The following UBAP2L variants were observed in gnomAD, a reference collection of about 807,000 sequenced individuals.
The protein encoded by UBAP2L is ubiquitin associated protein 2 like, also known as ubiquitin-associated protein 2-like.
Under a neutral mutation model 130.6 loss-of-function variants are expected in UBAP2L, and 12 were observed. The observed-to-expected ratio is 0.09, with a 90% CI of 0.06 to 0.15. UBAP2L has a LOEUF of 0.15. Among genes scored for constraint, UBAP2L ranks in the 10% least tolerant of loss-of-function variants. UBAP2L has a pLI of 1.00. For missense variants in UBAP2L, 965 were observed against 1,332.5 expected, an observed-to-expected ratio of 0.72 and a Z score of 4.29; for synonymous variants, 503 against 524.7, an observed-to-expected ratio of 0.96 and a Z score of 0.57.
intron 8 of UBAP2L, among the ~76,000 whole-genome samples, chr1:154,240,926 G>T (rs1673322299): frequency 7.2e-6 from 1 of 138,886 alleles, no homozygotes; most frequent in African/African-American, 3.1e-5. Flanking sequence ...TTGGGTGGTT[G>T]TCTGTCTGTC....
intron 6 of UBAP2L, among the ~76,000 whole-genome samples, chr1:154,236,313 CT>C: frequency 6.6e-6 from 1 of 152,198 alleles, no homozygotes; most frequent in Non-Finnish European, 1.5e-5. Context: ...ATCCTCCTGC[CT>C]CAGCCCCTCA....
At chr1:154,257,041 T>C in intron 18 of UBAP2L, 22 bp from the exon 19 acceptor site, 1 of 1,606,882 alleles carries the variant, frequency 6.2e-7, no homozygotes, top group Non-Finnish European at 8.5e-7. Flanking sequence ...TCTTCTCTCT[T>C]CCACTGCTCC....
At chr1:154,258,835 A>G in intron 20 of UBAP2L, 142 bp from the exon 21 acceptor site, 1 of 648,286 alleles carries the variant, frequency 1.5e-6, no homozygotes, top group South Asian at 1.9e-5. Context: ...TTTTCCTTAA[A>G]TAAAATTGAA....
chr1:154,222,627 A>G (rs1453710072), intron 1 of UBAP2L, among the ~76,000 whole-genome samples: 1 of 152,220 alleles, frequency 6.6e-6, no homozygotes, highest in Admixed American at 6.5e-5. Context: ...CCATTTCAAC[A>G]AAGCATCTAC....
chr1:154,221,792 A>G (rs997241436), intron 1 of UBAP2L, among the ~76,000 whole-genome samples: 1 of 152,038 alleles, frequency 6.6e-6, no homozygotes, highest in Admixed American at 6.6e-5. Flanking sequence ...CTTCCTGTTT[A>G]TACTGTAGTT....
intron 9 of UBAP2L, among the ~76,000 whole-genome samples, chr1:154,242,345 A>T (rs1406177451): frequency 6.6e-6 from 1 of 152,216 alleles, no homozygotes; most frequent in African/African-American, 2.4e-5. Flanking sequence ...ACATGTGAAG[A>T]CTGTTTTGGT....
chr1:154,250,535 T>C (rs1677220819), intron 12 of UBAP2L, among the ~76,000 whole-genome samples: 1 of 152,076 alleles, frequency 6.6e-6, no homozygotes, highest in South Asian at 2.1e-4. Flanking sequence ...GACAGGGTAA[T>C]GTTGATTTAG....
At position 154,227,228 on chromosome 1, in the gene UBAP2L, TCTC is replaced by T. The variant is rs1668251495; in HGVS notation, c.91-53_91-51del. On this transcript the variant is annotated intron_variant, in intron 2 of 26. Transcript: ENST00000428931. The stretch of plus-strand genomic sequence containing the variant: ...GGAGGCTGACGAAATAGGTTCCTGT[TCTC>T]TAAACTGTTGCCTCATGATTATGCT... 5 of 1,507,718 alleles carry T rather than the reference TCTC, an allele frequency of 3.3e-6. No homozygotes were observed. The African/African-American group carries it at 6.9e-5, about 21-fold the overall frequency. The allele number at this position is 1,507,718 out of a possible 1,614,324, so 93.4% of individuals were successfully genotyped here. A position where few individuals can be genotyped will look rare whatever the true frequency, so the allele number is the denominator to read the frequency against.
At chr1:154,248,806 ACT>A (rs1676524795) in intron 11 of UBAP2L, among the ~76,000 whole-genome samples, 1 of 152,116 alleles carries the variant, frequency 6.6e-6, no homozygotes, top group East Asian at 1.9e-4. Context: ...ACAGAGCGAG[ACT>A]CTGTCTCAAA....
intron 7 of UBAP2L, 144 bp downstream of exon 7, chr1:154,236,755 C>G: frequency 2.5e-6 from 2 of 802,044 alleles, no homozygotes; most frequent in Non-Finnish European, 4.1e-6. Context: ...TAAACCTTTA[C>G]CACCTGGATC....
In UBAP2L at chr1:154,249,331, C is replaced by T. The variant is rs751737325; in HGVS notation, c.1107C>T (p.Ala369=). 6.2e-7 allele frequency: 1 copy of T among 1,614,142 alleles called. No individual in the cohort carries two copies. The highest frequency in any genetic ancestry group is 2.2e-5 in the East Asian group (1 of 44,870). Residue 369 remains alanine, a synonymous_variant, in exon 12 of 27, where the codon GCC becomes GCT. Coordinates refer to ENST00000428931, the MANE Select transcript of UBAP2L (RefSeq NM_014847.4). ...GSQFLEQFKT[A]QALAQLAAQH... ...AGTTCTTGGAGCAATTCAAGACTGC[C>T]CAAGCCCTGGCTCAGTTGGCAGCTC...
Position 154,260,911 on chromosome 1 carries a change from C to A in UBAP2L, c.2598C>A (p.Gly866=). 2 of 1,614,178 alleles carry A rather than the reference C, an allele frequency of 1.2e-6. No individual in the cohort carries two copies. Among genetic ancestry groups the A allele is most frequent in the Non-Finnish European group, 1.7e-6 (2 of 1,180,028 alleles). ...NPYSGDLTKF[G]RGDASSPAPA... is the part of the protein sequence containing the mutation. ...TCACAGGTGACCTCACAAAGTTCGG[C>A]CGTGGGGATGCCTCCTCCCCAGCCC... is the stretch of plus-strand genomic sequence containing the variant. Residue 866 remains glycine, a synonymous_variant, in exon 23 of 27, where the codon GGC becomes GGA. Transcript: ENST00000428931.
intron 16 of UBAP2L, 24 bp downstream of exon 16, chr1:154,254,914 C>T (rs1175841431): frequency 2.5e-6 from 4 of 1,588,130 alleles, no homozygotes; most frequent in East Asian, 2.2e-5. Context: ...AGGCTTTTCC[C>T]CTCCTAAGTT....
At chr1:154,220,204 C>A, upstream of UBAP2L, 1 of 1,084,784 alleles carries the variant, frequency 9.2e-7, no homozygotes, top group Non-Finnish European at 1.4e-6. Context: ...TAAACTCCCA[C>A]CTACTCCTGG....
At chr1:154,231,135 A>G (rs956059615) in intron 4 of UBAP2L, among the ~76,000 whole-genome samples, 2 of 151,990 alleles carry the variant, frequency 1.3e-5, no homozygotes, top group Non-Finnish European at 2.9e-5. Flanking sequence ...AATCTTTTTA[A>G]AACAAATGAA....
At chr1:154,249,504 G>T in intron 12 of UBAP2L, 67 bp downstream of exon 12, 1 of 1,593,798 alleles carries the variant, frequency 6.3e-7, no homozygotes, top group Non-Finnish European at 8.6e-7. Context: ...GGCTAGCAGG[G>T]GGAGGGGGTG....
intron 5 of UBAP2L, 95 bp from the exon 6 acceptor site, chr1:154,235,101 T>C (rs1382728377): frequency 1.5e-6 from 1 of 680,390 alleles, no homozygotes; most frequent in African/African-American, 1.8e-5. Flanking sequence ...ACATACCATT[T>C]ATATATTTGT....
At chr1:154,257,953 T>G (rs1194208995) in intron 20 of UBAP2L, 2 of 154,498 alleles carry the variant, frequency 1.3e-5, no homozygotes, top group Non-Finnish European at 2.9e-5. Flanking sequence ...TTTTGGTTTC[T>G]TAGATAATTA....
rs765346800 is a variant in UBAP2L, at chr1:154,257,402, A to G, written c.2410A>G (p.Ile804Val). The G allele has an allele frequency of 6.2e-7, 1 of 1,613,152 alleles. No individual in the cohort carries two copies. The highest frequency in any genetic ancestry group is 8.5e-7 in the Non-Finnish European group (1 of 1,180,040). ...GVPPLLPNPY[I>V]MAPGLLHAYP... ...CCCGCCGTTGTTGCCTAATCCGTAT[A>G]TTATGGCTCCAGGGCTGTTACATGC... is the stretch of plus-strand genomic sequence containing the variant. The change falls in exon 20 of 27, where the codon ATT becomes GTT. Residue 804 changes from isoleucine to valine, a missense_variant. Physicochemically the swap from Ile to Val is conservative, Grantham distance 29. Transcript: ENST00000428931.
Sources: gnomAD v4.1 joint callset for allele counts (sites outside exome capture counted in the v4.1 genomes callset) on GRCh38, gnomAD v4.1.1 for gene constraint, MANE v1.5 for transcripts, NCBI Gene and HGNC (gene_info 2026-07-23, HGNC 2026-07-21) for gene names.